MEAF6: variants seen among roughly 807,000 people sequenced by gnomAD.
MEAF6 encodes the protein MYST/Esa1 associated factor 6, also known as chromatin modification-related protein MEAF6.
A neutral mutation model predicts 28.9 loss-of-function variants in MEAF6; 15 were observed. The observed-to-expected ratio is 0.52, with a 90% CI of 0.35 to 0.80. MEAF6 has a LOEUF of 0.80. Among genes scored for constraint, MEAF6 ranks in the 30% least tolerant of loss-of-function variants. MEAF6 has a pLI of 0.01. For synonymous variants in MEAF6, 97 were observed against 88.7 expected (o/e 1.09, Z -0.53); for missense variants, 178 against 237.5 (o/e 0.75, Z 1.65).
Position 37,493,988 on chromosome 1 carries a change from G to A in MEAF6, c.*111C>T, listed in dbSNP as rs1307468941. ...CTCAAAGTCACAGGCACTGGGTCTG[G>A]GAGAGCAGAGGTGGATGGCCACGAA... On this transcript the variant is annotated 3_prime_UTR_variant, in exon 7 of 7. Transcript: ENST00000296214. 6 of 1,581,784 alleles carry A rather than the reference G, an allele frequency of 3.8e-6. No individual in the cohort carries two copies. In the East Asian group the frequency reaches 1.3e-4, roughly 35 times the overall value.
intron 4 of MEAF6, among the ~76,000 whole-genome samples, chr1:37,507,005 C>A (rs1225187562): frequency 6.6e-6 from 1 of 152,190 alleles, no homozygotes; most frequent in Non-Finnish European, 1.5e-5. Flanking sequence ...TAAGCCAGGG[C>A]AAGATTACAG....
Position 37,493,608 on chromosome 1 carries a change from C to T in MEAF6, c.*491G>A. ...AAGTATGAGCTGTACAAAGGCATTA[C>T]AAAAAAACCCCAAAGAAAATAAGAT... On this transcript the variant is annotated 3_prime_UTR_variant, in exon 7 of 7. Coordinates refer to ENST00000296214, the MANE Select transcript of MEAF6 (RefSeq NM_001270875.3). 1 of 708,618 alleles carries T rather than the reference C, an allele frequency of 1.4e-6. No individual in the cohort carries two copies. Among genetic ancestry groups the T allele is most frequent in the Non-Finnish European group, 2.4e-6 (1 of 412,378 alleles). 43.9% of individuals were successfully genotyped at this position (708,618 alleles called of 1,614,324 possible).
chr1:37,501,097 T>C (rs1642286823), intron 5 of MEAF6: 1 of 153,788 alleles, frequency 6.5e-6, no homozygotes, highest in African/African-American at 2.4e-5. Flanking sequence ...AGCATGATCA[T>C]ACAAACCCCA....
At chr1:37,509,370 G>A in intron 3 of MEAF6, 47 bp from the exon 4 acceptor site, 1 of 1,610,168 alleles carries the variant, frequency 6.2e-7, no homozygotes, top group East Asian at 2.2e-5. Context: ...ACAGACCTCA[G>A]AAGAGCACTC....
chr1:37,506,029 T>C (rs1015382320), intron 4 of MEAF6, among the ~76,000 whole-genome samples: 2 of 152,210 alleles, frequency 1.3e-5, no homozygotes, highest in South Asian at 2.1e-4. Context: ...TCCCAGCACT[T>C]TGGGAGGCCA....
At chr1:37,497,807 G>T (rs1557604988) in intron 5 of MEAF6, among the ~76,000 whole-genome samples, 1 of 151,968 alleles carries the variant, frequency 6.6e-6, no homozygotes, top group Non-Finnish European at 1.5e-5. Flanking sequence ...GGCCAAGCTG[G>T]TCTCGAACTC....
Position 37,491,549 on chromosome 1 carries a change from A to G in MEAF6, c.*2550T>C, listed in dbSNP as rs964391432. Among the ~76,000 whole-genome samples the G allele has an allele frequency of 2.0e-5, 3 of 152,266 alleles. No individual in the cohort carries two copies. The highest frequency in any genetic ancestry group is 1.9e-4 in the East Asian group (1 of 5,190). ...TCATTACAAAATAAAAATGTTTTAA[A>G]TTAGCTGGGAATGGTGGCATGCACC... On this transcript the variant is annotated 3_prime_UTR_variant, in exon 7 of 7. Coordinates refer to ENST00000296214, the MANE Select transcript of MEAF6 (RefSeq NM_001270875.3).
chr1:37,514,075 G>A (rs1642754860), intron 1 of MEAF6: 1 of 168,660 alleles, frequency 5.9e-6, no homozygotes, highest in South Asian at 1.6e-4. Flanking sequence ...GAGTGCATTG[G>A]GCCTTGGGTG....
chr1:37,507,374 C>T (rs1014261779), intron 4 of MEAF6, among the ~76,000 whole-genome samples: 4 of 148,726 alleles, frequency 2.7e-5, no homozygotes, highest in African/African-American at 9.9e-5. Context: ...TCTCAACTCA[C>T]AGGAGTGAGG....
At chr1:37,500,908 T>C (rs1326723356) in intron 5 of MEAF6, 2 of 154,136 alleles carry the variant, frequency 1.3e-5, no homozygotes, top group Non-Finnish European at 2.9e-5. Context: ...GTACAGTTTC[T>C]AGAATGAGAA....
intron 2 of MEAF6, among the ~76,000 whole-genome samples, chr1:37,512,068 G>C (rs906219796): frequency 1.3e-5 from 2 of 152,054 alleles, no homozygotes; most frequent in African/African-American, 4.8e-5. Flanking sequence ...CTTTCAAACC[G>C]TTAAGTGGGA....
chr1:37,510,289 G>T (rs1160172255), intron 2 of MEAF6, among the ~76,000 whole-genome samples: 1 of 150,532 alleles, frequency 6.6e-6, no homozygotes, highest in African/African-American at 2.5e-5. Context: ...CACCAAATTG[G>T]CCTGGCTGGT....
chr1:37,503,607 G>C (rs1209224899), intron 4 of MEAF6, among the ~76,000 whole-genome samples: 1 of 137,504 alleles, frequency 7.3e-6, no homozygotes, highest in African/African-American at 2.7e-5. Context: ...AGTGAGCTAT[G>C]ATCTTACCAC....
rs140353754 is a variant in MEAF6, at chr1:37,509,470, C to T, written c.279G>A (p.Ser93=). The T allele has an allele frequency of 6.2e-6, 10 of 1,613,954 alleles. No homozygotes were observed. Among genetic ancestry groups the T allele is most frequent in the East Asian group, 2.2e-5 (1 of 44,872 alleles). Reference sequence around the variant, plus strand: ...CACTACTTACAGCTGCTGAGGTAACCGAGGATTTACTGAAGAGCCGCTCAG... The same window carrying T: ...CACTACTTACAGCTGCTGAGGTAACTGAGGATTTACTGAAGAGCCGCTCAG... ...KEAERLFSKS[S]VTSAAAVSAL... Residue 93 remains serine (S), a synonymous_variant, in exon 3 of 7, where the codon TCG becomes TCA. Transcript: ENST00000296214.
At chr1:37,495,190 G>C (rs1226558007) in intron 6 of MEAF6, among the ~76,000 whole-genome samples, 1 of 151,700 alleles carries the variant, frequency 6.6e-6, no homozygotes, top group African/African-American at 2.4e-5. Context: ...AAACTAGCTG[G>C]GCATGGTGGC....
chr1:37,493,758 C>T lies in MEAF6; in HGVS notation c.*341G>A, dbSNP rs1462675989. 15 of 1,547,180 alleles carry T rather than the reference C, an allele frequency of 9.7e-6. No homozygotes were observed. The East Asian group carries it at 3.7e-4, about 38-fold the overall frequency. On this transcript the variant is annotated 3_prime_UTR_variant, in exon 7 of 7. Coordinates refer to ENST00000296214, the MANE Select transcript of MEAF6 (RefSeq NM_001270875.3). ...CATAAAACAAAACCAGAGAACATTT[C>T]TTGAAGGGTATCACAGATGAAGCTG...
chr1:37,501,753 C>T, intron 5 of MEAF6, 51 bp downstream of exon 5: 1 of 1,444,712 alleles, frequency 6.9e-7, no homozygotes, highest in Non-Finnish European at 9.2e-7. Flanking sequence ...AGGCAATTCC[C>T]TTCACAGCAA....
At chr1:37,507,568 T>G (rs192045894) in intron 4 of MEAF6, among the ~76,000 whole-genome samples, 104 of 151,654 alleles carry the variant, frequency 6.9e-4, no homozygotes, top group African/African-American at 2.3e-3. Flanking sequence ...GAGTTCTGAA[T>G]AAGGGAGAAG....
chr1:37,495,992 G>T, intron 5 of MEAF6, 74 bp from the exon 6 acceptor site: 2 of 1,189,682 alleles, frequency 1.7e-6, no homozygotes, highest in Non-Finnish European at 1.3e-6. Context: ...CTACTGCATA[G>T]GGCATAAGCT....
Sources: allele counts gnomAD v4.1 joint callset (sites outside exome capture counted in the v4.1 genomes callset), GRCh38; gene constraint gnomAD v4.1.1; transcripts MANE v1.5; gene names NCBI Gene and HGNC (gene_info 2026-07-23, HGNC 2026-07-21).